Variants in B3GALT1 observed in about 807,000 individuals in gnomAD.
The protein encoded by B3GALT1 is beta-1,3-galactosyltransferase 1.
Under a neutral mutation model 23.2 loss-of-function variants are expected in B3GALT1, and 10 were observed. That is an observed-to-expected ratio of 0.43 (90% CI 0.27 to 0.73). B3GALT1 has a LOEUF of 0.73. Ranked by LOEUF, B3GALT1 falls within the 30% of genes least tolerant of loss-of-function variation. The pLI, the probability that B3GALT1 is intolerant of heterozygous loss-of-function variation, is 0.21. For synonymous variants in B3GALT1, 156 were observed against 141.5 expected, an observed-to-expected ratio of 1.10 and a Z score of -0.73; for missense variants, 299 against 405.4, an observed-to-expected ratio of 0.74 and a Z score of 2.25.
chr2:167,843,669 T>G (rs767434545), intron 4 of B3GALT1, among the ~76,000 whole-genome samples: 6 of 152,214 alleles, frequency 3.9e-5, no homozygotes, highest in Non-Finnish European at 5.9e-5. Flanking sequence ...GATCACATAC[T>G]ATTGTCATCC....
intron 2 of B3GALT1, among the ~76,000 whole-genome samples, chr2:167,584,288 G>A (rs1418485705): frequency 6.6e-6 from 1 of 152,138 alleles, no homozygotes; most frequent in Non-Finnish European, 1.5e-5. Context: ...CCAGGTAAAA[G>A]GAAACACAGA....
At chr2:167,813,250 G>A (rs1377537086) in intron 3 of B3GALT1, among the ~76,000 whole-genome samples, 2 of 152,126 alleles carry the variant, frequency 1.3e-5, no homozygotes, top group Non-Finnish European at 2.9e-5. Flanking sequence ...TTAAGAAGAT[G>A]ATATTGAAAT....
intron 3 of B3GALT1, chr2:167,715,017 G>A (rs537755351): frequency 6.2e-7 from 1 of 1,611,586 alleles, no homozygotes; most frequent in African/African-American, 1.3e-5. Context: ...TGCTCGGTAA[G>A]CTCTTCCTTT....
At chr2:167,539,999 A>G (rs1683509942) in intron 2 of B3GALT1, among the ~76,000 whole-genome samples, 1 of 152,210 alleles carries the variant, frequency 6.6e-6, no homozygotes, top group Non-Finnish European at 1.5e-5. Flanking sequence ...TTTATTTATT[A>G]GGAACAGGTA....
At position 167,873,792 on chromosome 2, in the gene B3GALT1, A is replaced by G. The variant is rs1183141875; in HGVS notation, c.*3772A>G. 6.6e-6 allele frequency: 1 copy of G among 152,250 alleles called. No homozygotes were observed. The highest frequency in any genetic ancestry group is 2.4e-5 in the African/African-American group (1 of 41,466). 9.4% of individuals were successfully genotyped at this position (152,250 alleles called of 1,614,324 possible). A position where few individuals can be genotyped will look rare whatever the true frequency, so the allele number is the denominator to read the frequency against. On this transcript the variant is annotated 3_prime_UTR_variant, in exon 5 of 5. Transcript: ENST00000392690. ...GTAAAAGTGCACTCTCCAGGTTTGT[A>G]GTACTATTTAGGGTTACATGGGTTG... is the stretch of plus-strand genomic sequence containing the variant.
At chr2:167,685,450 A>G (rs1686603248) in intron 3 of B3GALT1, among the ~76,000 whole-genome samples, 1 of 152,182 alleles carries the variant, frequency 6.6e-6, no homozygotes, top group African/African-American at 2.4e-5. Context: ...CAAACAAAGT[A>G]TTAAAATTGT....
At chr2:167,459,099 C>T (rs1314668672) in intron 1 of B3GALT1, among the ~76,000 whole-genome samples, 1 of 152,060 alleles carries the variant, frequency 6.6e-6, no homozygotes, top group Non-Finnish European at 1.5e-5. Context: ...GATATTATTT[C>T]ATTTACATTT....
intron 2 of B3GALT1, among the ~76,000 whole-genome samples, chr2:167,518,896 A>G (rs150689312): frequency 6.6e-6 from 1 of 152,278 alleles, no homozygotes; most frequent in East Asian, 1.9e-4. Context: ...TGCTAATGAG[A>G]TTACAATTGC....
chr2:167,425,390 T>C (rs991222994), intron 1 of B3GALT1, among the ~76,000 whole-genome samples: 3 of 152,298 alleles, frequency 2.0e-5, no homozygotes, highest in Non-Finnish European at 2.9e-5. Context: ...TTCTGTACCA[T>C]GGAGTATTAA....
At chr2:167,848,283 A>G (rs903825708) in intron 4 of B3GALT1, among the ~76,000 whole-genome samples, 2 of 152,136 alleles carry the variant, frequency 1.3e-5, no homozygotes, top group African/African-American at 2.4e-5. Context: ...GAACGGACAT[A>G]ACCAAAAAAA....
intron 3 of B3GALT1, among the ~76,000 whole-genome samples, chr2:167,738,699 G>C (rs1033534287): frequency 2.6e-5 from 4 of 152,190 alleles, no homozygotes; most frequent in African/African-American, 9.6e-5. Flanking sequence ...AGAGATTTCA[G>C]ATTTCAAGTA....
intron 2 of B3GALT1, among the ~76,000 whole-genome samples, chr2:167,531,132 G>A (rs543860537): frequency 6.6e-6 from 1 of 152,244 alleles, no homozygotes. Context: ...TAGCAAATGA[G>A]CAATGGGAAC....
intron 1 of B3GALT1, among the ~76,000 whole-genome samples, chr2:167,459,960 C>A (rs1413205808): frequency 6.6e-6 from 1 of 152,100 alleles, no homozygotes; most frequent in East Asian, 1.9e-4. Context: ...CTCTAAAATT[C>A]TGGTGAGAAA....
At chr2:167,682,917 G>C (rs1686557812) in intron 3 of B3GALT1, among the ~76,000 whole-genome samples, 1 of 152,342 alleles carries the variant, frequency 6.6e-6, no homozygotes, top group African/African-American at 2.4e-5. Flanking sequence ...TTTGACAACT[G>C]TCTGAAATGA....
intron 3 of B3GALT1, among the ~76,000 whole-genome samples, chr2:167,708,498 TA>T (rs1317237168): frequency 6.6e-6 from 1 of 152,052 alleles, no homozygotes; most frequent in African/African-American, 2.4e-5. Context: ...CCGTCTCTAC[TA>T]AAAATACAAA....
intron 2 of B3GALT1, among the ~76,000 whole-genome samples, chr2:167,516,485 A>G (rs758435050): frequency 6.6e-6 from 1 of 152,122 alleles, no homozygotes; most frequent in Non-Finnish European, 1.5e-5. Context: ...AACTCTGACC[A>G]AAGTGTTTAA....
At chr2:167,552,417 T>C (rs1014581713) in intron 2 of B3GALT1, among the ~76,000 whole-genome samples, 8 of 152,188 alleles carry the variant, frequency 5.3e-5, no homozygotes, top group African/African-American at 1.7e-4. Flanking sequence ...AGTATTTATT[T>C]AGAATATAAA....
At chr2:167,450,434 T>A (rs746777597) in intron 1 of B3GALT1, among the ~76,000 whole-genome samples, 9 of 152,182 alleles carry the variant, frequency 5.9e-5, no homozygotes, top group Non-Finnish European at 1.2e-4. Flanking sequence ...AAAGACTGTG[T>A]CTTTCCTTCA....
At chr2:167,772,078 G>A (rs1327847910) in intron 3 of B3GALT1, among the ~76,000 whole-genome samples, 1 of 151,782 alleles carries the variant, frequency 6.6e-6, no homozygotes, top group Non-Finnish European at 1.5e-5. Flanking sequence ...ATGACTGACG[G>A]GGGGAATCCA....
Sources: allele counts gnomAD v4.1 joint callset (sites outside exome capture counted in the v4.1 genomes callset), GRCh38; gene constraint gnomAD v4.1.1; transcripts MANE v1.5; gene names NCBI Gene and HGNC (gene_info 2026-07-23, HGNC 2026-07-21).